Variants in LRRTM4 observed in about 807,000 individuals in gnomAD.
LRRTM4 encodes the protein leucine rich repeat transmembrane neuronal 4.
LRRTM4 carries 25 observed loss-of-function variants against 47.6 expected under a neutral mutation model. The observed-to-expected ratio is 0.53, with a 90% CI of 0.38 to 0.73. The LOEUF (loss-of-function observed/expected upper bound fraction) is 0.73. Ranked by LOEUF, LRRTM4 falls within the 30% of genes least tolerant of loss-of-function variation. The pLI is 0.00. For synonymous variants in LRRTM4, 311 were observed against 269.5 expected (o/e 1.15, Z -1.51); for missense variants, 638 against 713.4 (o/e 0.89, Z 1.20).
chr2:76,897,090 C>A (rs1343903261), intron 3 of LRRTM4, among the ~76,000 whole-genome samples: 4 of 152,000 alleles, frequency 2.6e-5, no homozygotes, highest in Non-Finnish European at 5.9e-5. Flanking sequence ...ATTGTTTAGA[C>A]AATTCTGCTG....
intron 3 of LRRTM4, among the ~76,000 whole-genome samples, chr2:76,766,652 T>C (rs1191413941): frequency 6.6e-6 from 1 of 152,216 alleles, no homozygotes; most frequent in African/African-American, 2.4e-5. Flanking sequence ...GTAGTATTTA[T>C]TTCTTGCTAA....
intron 3 of LRRTM4, among the ~76,000 whole-genome samples, chr2:77,250,877 G>T (rs1033132812): frequency 9.2e-5 from 14 of 152,204 alleles, no homozygotes; most frequent in Middle Eastern, 3.4e-3. Context: ...GCTGAGGAGG[G>T]CAGATCACCT....
chr2:77,340,833 C>A (rs1289213493), intron 3 of LRRTM4, among the ~76,000 whole-genome samples: 7 of 151,884 alleles, frequency 4.6e-5, no homozygotes, highest in Non-Finnish European at 1.0e-4. Context: ...GGAACATGAT[C>A]TAAATTTCAA....
intron 3 of LRRTM4, among the ~76,000 whole-genome samples, chr2:77,153,147 C>A (rs1231167878): frequency 6.6e-6 from 1 of 152,132 alleles, no homozygotes; most frequent in African/African-American, 2.4e-5. Flanking sequence ...CTAATTAGCA[C>A]CTTTAATGCT....
At chr2:77,358,347 T>C (rs766226305) in intron 3 of LRRTM4, among the ~76,000 whole-genome samples, 10 of 152,020 alleles carry the variant, frequency 6.6e-5, no homozygotes, top group African/African-American at 9.7e-5. Context: ...TTTATAACAA[T>C]CCACTCTTGC....
chr2:77,036,072 C>T (rs1193047912), intron 3 of LRRTM4, among the ~76,000 whole-genome samples: 1 of 151,664 alleles, frequency 6.6e-6, no homozygotes, highest in Non-Finnish European at 1.5e-5. Context: ...CTAAAGAATA[C>T]AAATTGATAA....
intron 3 of LRRTM4, among the ~76,000 whole-genome samples, chr2:76,952,939 A>G (rs1346182810): frequency 6.6e-6 from 1 of 151,934 alleles, no homozygotes; most frequent in Non-Finnish European, 1.5e-5. Flanking sequence ...GGAAAAGGAA[A>G]CTACTGCCTG....
At chr2:77,227,466 G>A (rs1674846804) in intron 3 of LRRTM4, among the ~76,000 whole-genome samples, 1 of 152,032 alleles carries the variant, frequency 6.6e-6, no homozygotes, top group South Asian at 2.1e-4. Context: ...AAAAGAGCAA[G>A]AAAACAGATA....
At chr2:77,512,290 C>A (rs991191263) in intron 3 of LRRTM4, among the ~76,000 whole-genome samples, 2 of 152,012 alleles carry the variant, frequency 1.3e-5, no homozygotes, top group African/African-American at 4.8e-5. Context: ...TGTTTTGATA[C>A]CTTAGGAAAT....
At chr2:77,048,800 T>C (rs554439845) in intron 3 of LRRTM4, among the ~76,000 whole-genome samples, 1 of 151,870 alleles carries the variant, frequency 6.6e-6, no homozygotes, top group South Asian at 2.1e-4. Flanking sequence ...TCTAGCTATT[T>C]CAAAATGTAC....
At chr2:76,785,505 C>T in intron 3 of LRRTM4, among the ~76,000 whole-genome samples, 1 of 152,068 alleles carries the variant, frequency 6.6e-6, no homozygotes, top group African/African-American at 2.4e-5. Flanking sequence ...CTCTAATCAA[C>T]TTTTTAGTGG....
rs1415439201 is a variant in LRRTM4 at position 77,450,914 on chromosome 2, C to T, written c.1551+67404G>A. ...GAAAAGGCTTTATGAATCTTCACTG[C>T]CTATGTTTTAATTTTTAAATGTATT... On this transcript the variant is annotated intron_variant, in intron 3 of 3. Coordinates refer to ENST00000409884, the MANE Select transcript of LRRTM4 (RefSeq NM_001134745.3). Among the ~76,000 whole-genome samples the T allele has an allele frequency of 2.0e-5, 3 of 152,014 alleles. No homozygotes were observed. In the East Asian group the frequency reaches 5.8e-4, roughly 29 times the overall value.
At chr2:77,001,599 C>G (rs1455619540) in intron 3 of LRRTM4, among the ~76,000 whole-genome samples, 1 of 152,140 alleles carries the variant, frequency 6.6e-6, no homozygotes, top group Non-Finnish European at 1.5e-5. Flanking sequence ...AGAGTTCTGT[C>G]TTTCCTTTAT....
chr2:77,265,443 C>T (rs138043870), intron 3 of LRRTM4, among the ~76,000 whole-genome samples: 1 of 152,174 alleles, frequency 6.6e-6, no homozygotes, highest in Non-Finnish European at 1.5e-5. Flanking sequence ...CACTCTCTTT[C>T]TCTCTACCTT....
At chr2:77,221,233 A>G (rs1373951083) in intron 3 of LRRTM4, among the ~76,000 whole-genome samples, 3 of 152,214 alleles carry the variant, frequency 2.0e-5, no homozygotes, top group Non-Finnish European at 4.4e-5. Flanking sequence ...AACAACTGGT[A>G]CCAGCCACTG....
At chr2:77,516,292 C>T (rs989864456) in intron 3 of LRRTM4, among the ~76,000 whole-genome samples, 2 of 151,712 alleles carry the variant, frequency 1.3e-5, no homozygotes, top group African/African-American at 4.8e-5. Flanking sequence ...TTTAAACACA[C>T]GTTTTAATTA....
intron 3 of LRRTM4, among the ~76,000 whole-genome samples, chr2:76,871,138 T>C (rs1672611705): frequency 6.6e-6 from 1 of 152,168 alleles, no homozygotes; most frequent in South Asian, 2.1e-4. Context: ...TTCTTTACCG[T>C]AGAGAACAAA....
chr2:77,053,149 G>A (rs867698190), intron 3 of LRRTM4, among the ~76,000 whole-genome samples: 3 of 152,116 alleles, frequency 2.0e-5, no homozygotes, highest in Non-Finnish European at 2.9e-5. Flanking sequence ...AAATGCAAAT[G>A]TATCAGTAAG....
intron 3 of LRRTM4, among the ~76,000 whole-genome samples, chr2:77,404,883 A>T (rs965674769): frequency 3.3e-5 from 5 of 152,070 alleles, no homozygotes; most frequent in African/African-American, 1.2e-4. Context: ...AAGTTTTTTT[A>T]AAAAATAGCA....
Sources: allele counts gnomAD v4.1 joint callset (sites outside exome capture counted in the v4.1 genomes callset), GRCh38; gene constraint gnomAD v4.1.1; transcripts MANE v1.5; gene names NCBI Gene and HGNC (gene_info 2026-07-23, HGNC 2026-07-21).